Variants in CNKSR2 observed in about 807,000 individuals in gnomAD.
The protein encoded by CNKSR2 is CNK homolog protein 2.
A neutral mutation model predicts 84.4 loss-of-function variants in CNKSR2; 14 were observed. That is an observed-to-expected ratio of 0.17 (90% confidence interval 0.11 to 0.26). The LOEUF is 0.26. CNKSR2 is among the 10% of genes least tolerant of loss of function. CNKSR2 has a pLI of 1.00. For missense variants in CNKSR2, 485 were observed against 771.2 expected, an observed-to-expected ratio of 0.63 and a Z score of 4.40; for synonymous variants, 275 against 277.9, an observed-to-expected ratio of 0.99 and a Z score of 0.10.
At chrX:21,502,038 G>A (rs1360666342) in intron 8 of CNKSR2, among the ~76,000 whole-genome samples, 1 of 107,282 alleles carries the variant, frequency 9.3e-6, no homozygotes, top group African/African-American at 3.4e-5. Flanking sequence ...TGGTTTTGGG[G>A]GGAGTATTTT....
chrX:21,489,590 A>G lies in CNKSR2; in HGVS notation c.562-869A>G, dbSNP rs143685360. 5.0e-3 allele frequency among the ~76,000 whole-genome samples: 565 copies of G among 111,941 alleles called. 4 individuals are homozygous for G. Among genetic ancestry groups the G allele is most frequent in the Non-Finnish European group, 6.4e-3 (341 of 53,139 alleles). ...ATTCTACTTTCTTCATGATTTTGCC[A>G]TGTGTAAGCCTTAAAATACCATGAT... On this transcript the variant is annotated intron_variant, in intron 5 of 21. Coordinates refer to ENST00000379510, the MANE Select transcript of CNKSR2 (RefSeq NM_014927.5).
intron 1 of CNKSR2, among the ~76,000 whole-genome samples, chrX:21,423,060 A>G (rs1363690509): frequency 8.9e-6 from 1 of 112,056 alleles, no homozygotes; most frequent in Non-Finnish European, 1.9e-5. Flanking sequence ...TGTGTAAACA[A>G]TATACTTAAA....
intron 17 of CNKSR2, among the ~76,000 whole-genome samples, chrX:21,598,042 C>CAA (rs1383063582): frequency 3.2e-4 from 35 of 107,747 alleles, no homozygotes; most frequent in African/African-American, 1.1e-3. Flanking sequence ...CACACACACA[C>CAA]AACAAATATT....
At chrX:21,466,673 C>G (rs1010675733) in intron 4 of CNKSR2, among the ~76,000 whole-genome samples, 1 of 110,986 alleles carries the variant, frequency 9.0e-6, no homozygotes, top group African/African-American at 3.3e-5. Flanking sequence ...CAACCTCTAC[C>G]TCCCAGATTC....
chrX:21,606,645 T>C (rs1251305315), intron 18 of CNKSR2, 134 bp from the exon 19 acceptor site: 1 of 399,744 alleles, frequency 2.5e-6, no homozygotes, highest in African/African-American at 2.6e-5. Flanking sequence ...AGGCCAAGGG[T>C]AAGGTAGTGC....
Position 21,374,630 on chromosome X carries a change from A to AGCCGCCGCCGCCGCCGCC in CNKSR2, c.-267_-250dup, listed in dbSNP as rs76791548. On this transcript the variant is annotated 5_prime_UTR_variant, in exon 1 of 22. Transcript: ENST00000379510. Reference sequence around the variant, plus strand: ...CAGCAGCAGCAGCAGCAGCAGCAGCAGCCGCCGCCGCCGCCGCCTTAGCGG... The same window carrying AGCCGCCGCCGCCGCCGCC: ...CAGCAGCAGCAGCAGCAGCAGCAGCAGCCGCCGCCGCCGCCGCCGCCGCCGCCGCCGCCGCCTTAGCGG... 2.9e-5 allele frequency: 13 copies of AGCCGCCGCCGCCGCCGCC among 445,363 alleles called. No homozygotes were observed. In the African/African-American group the frequency reaches 3.2e-4, roughly 11 times the overall value. 36.7% of individuals were successfully genotyped at this position (445,363 alleles called of 1,213,427 possible).
chrX:21,632,889 G>C (rs1335249378), intron 20 of CNKSR2, among the ~76,000 whole-genome samples: 1 of 111,068 alleles, frequency 9.0e-6, no homozygotes, highest in Non-Finnish European at 1.9e-5. Context: ...ATTAGCTATA[G>C]AAGATCATAT....
chrX:21,526,407 A>G (rs183797386), intron 9 of CNKSR2, among the ~76,000 whole-genome samples: 17 of 111,485 alleles, frequency 1.5e-4, no homozygotes, highest in South Asian at 3.7e-4. Flanking sequence ...AATATGGTTT[A>G]TCTTTTTTGG....
intron 13 of CNKSR2, among the ~76,000 whole-genome samples, chrX:21,577,264 G>T (rs887930799): frequency 2.7e-5 from 3 of 111,092 alleles, no homozygotes; most frequent in African/African-American, 9.8e-5. Flanking sequence ...AACAAATGTG[G>T]GTCTCAGTCT....
chrX:21,564,893 C>T (rs1020461896), intron 13 of CNKSR2, among the ~76,000 whole-genome samples: 5 of 111,047 alleles, frequency 4.5e-5, no homozygotes, highest in East Asian at 2.8e-4. Flanking sequence ...AATGACTGAT[C>T]GATTGAATTA....
intron 3 of CNKSR2, among the ~76,000 whole-genome samples, chrX:21,433,543 T>G (rs2090663786): frequency 9.1e-6 from 1 of 110,148 alleles, no homozygotes; most frequent in South Asian, 3.8e-4. Flanking sequence ...TTTAATGGCT[T>G]AATAATCAAA....
At chrX:21,562,431 T>C (rs1332414865) in intron 12 of CNKSR2, among the ~76,000 whole-genome samples, 16 of 112,017 alleles carry the variant, frequency 1.4e-4, no homozygotes. Context: ...GCAGACCATA[T>C]GGACAAGCAA....
intron 2 of CNKSR2, chrX:21,429,302 A>G (rs984543343): frequency 1.8e-5 from 2 of 112,093 alleles, no homozygotes; most frequent in Admixed American, 9.5e-5. Context: ...CATTTCATGT[A>G]TAAGTTTTTG....
chrX:21,393,507 C>A (rs141617428), intron 1 of CNKSR2, among the ~76,000 whole-genome samples: 1,851 of 112,047 alleles, frequency 0.017, 21 homozygotes, highest in Middle Eastern at 0.027. Flanking sequence ...GAATTTATCT[C>A]GGGTTAGGTG....
chrX:21,555,375 C>G (rs1271507109), intron 11 of CNKSR2, among the ~76,000 whole-genome samples: 2 of 111,547 alleles, frequency 1.8e-5, no homozygotes, highest in Non-Finnish European at 3.8e-5. Flanking sequence ...CCTCTTTTAT[C>G]CAGAAATGAA....
At chrX:21,459,195 TG>T (rs1396253578) in intron 4 of CNKSR2, among the ~76,000 whole-genome samples, 1 of 109,707 alleles carries the variant, frequency 9.1e-6, no homozygotes, top group Non-Finnish European at 1.9e-5. Flanking sequence ...GGCTACTTTT[TG>T]TATTTTTGGT....
At chrX:21,541,723 A>G (rs923510791) in intron 11 of CNKSR2, among the ~76,000 whole-genome samples, 7 of 111,588 alleles carry the variant, frequency 6.3e-5, no homozygotes, top group African/African-American at 2.3e-4. Flanking sequence ...GCATTAATCT[A>G]TTTAATCCTC....
At chrX:21,400,553 T>C (rs7060691) in intron 1 of CNKSR2, among the ~76,000 whole-genome samples, 22,184 of 110,983 alleles carry the variant, frequency 0.2, 5,253 homozygotes, top group African/African-American at 0.68. Flanking sequence ...TTAATAAAAC[T>C]TGATCTCAGG....
At chrX:21,623,385 A>T (rs1214239896) in intron 20 of CNKSR2, among the ~76,000 whole-genome samples, 1 of 111,854 alleles carries the variant, frequency 8.9e-6, no homozygotes, top group African/African-American at 3.2e-5. Context: ...TTATTAGATT[A>T]TCTTGCTGTA....
Sources: allele counts gnomAD v4.1 joint callset (sites outside exome capture counted in the v4.1 genomes callset), GRCh38; gene constraint gnomAD v4.1.1; transcripts MANE v1.5; gene names NCBI Gene and HGNC (gene_info 2026-07-23, HGNC 2026-07-21).